The following SEL1L2 variants were observed in gnomAD, a reference collection of about 807,000 sequenced individuals.
The protein encoded by SEL1L2 is SEL1L2 adaptor subunit of SYVN1 ubiquitin ligase.
A neutral mutation model predicts 98.8 loss-of-function variants in SEL1L2; 89 were observed. The ratio of observed to expected loss-of-function variants is 0.90; its 90% CI spans 0.76 to 1.07. The LOEUF (loss-of-function observed/expected upper bound fraction) is 1.07. Among genes scored for constraint, SEL1L2 ranks in the 50% least tolerant of loss-of-function variants. The pLI is 0.00. For synonymous variants in SEL1L2, 262 were observed against 278.5 expected, an observed-to-expected ratio of 0.94 and a Z score of 0.59; for missense variants, 788 against 812.0, an observed-to-expected ratio of 0.97 and a Z score of 0.36.
intron 1 of SEL1L2, among the ~76,000 whole-genome samples, chr20:13,984,493 T>C (rs375485172): frequency 2.0e-4 from 31 of 152,352 alleles, no homozygotes; most frequent in Middle Eastern, 3.4e-3. Flanking sequence ...GATAATCTCT[T>C]TAGCCTTGAT....
chr20:13,962,786 C>T (rs1473673435), intron 1 of SEL1L2, among the ~76,000 whole-genome samples: 1 of 152,124 alleles, frequency 6.6e-6, no homozygotes, highest in Non-Finnish European at 1.5e-5. Flanking sequence ...AAAATATCGA[C>T]CAGGCACAAT....
intron 1 of SEL1L2, among the ~76,000 whole-genome samples, chr20:13,971,427 T>C (rs2051278821): frequency 6.6e-6 from 1 of 152,022 alleles, no homozygotes; most frequent in Admixed American, 6.6e-5. Context: ...TTTTGTTTTG[T>C]TTTGTTTTGT....
At chr20:13,850,362 G>A in intron 18 of SEL1L2, 43 bp from the exon 19 acceptor site, 1 of 1,603,986 alleles carries the variant, frequency 6.2e-7, no homozygotes, top group Non-Finnish European at 8.5e-7. Context: ...TTCTGTAGGG[G>A]TAAGTAAACA....
At chr20:13,924,904 C>T (rs1045314928) in intron 3 of SEL1L2, among the ~76,000 whole-genome samples, 4 of 151,946 alleles carry the variant, frequency 2.6e-5, no homozygotes, top group Admixed American at 2.0e-4. Flanking sequence ...TTTGGGAGGC[C>T]GAGGCGGGCA....
intron 18 of SEL1L2, 32 bp from the exon 19 acceptor site, chr20:13,850,351 A>T (rs1988036157): frequency 1.9e-6 from 3 of 1,612,162 alleles, no homozygotes; most frequent in Non-Finnish European, 2.5e-6. Flanking sequence ...TACCCATCAG[A>T]TTCTGTAGGG....
At chr20:13,893,571 G>T (rs1432411044) in intron 5 of SEL1L2, among the ~76,000 whole-genome samples, 2 of 152,160 alleles carry the variant, frequency 1.3e-5, no homozygotes, top group African/African-American at 4.8e-5. Flanking sequence ...AACAGTAGGA[G>T]ATTTCAATAC....
intron 10 of SEL1L2, among the ~76,000 whole-genome samples, chr20:13,880,581 A>T (rs748182424): frequency 1.1e-3 from 163 of 152,074 alleles, no homozygotes; most frequent in Middle Eastern, 3.4e-3. Flanking sequence ...CTTGCTCTTG[A>T]AGAGTTAAGA....
At chr20:13,855,816 G>A (rs941751572) in intron 18 of SEL1L2, among the ~76,000 whole-genome samples, 9 of 152,352 alleles carry the variant, frequency 5.9e-5, no homozygotes, top group Middle Eastern at 3.4e-3. Context: ...ACGCCCTTGC[G>A]AGAGCTAGCA....
intron 12 of SEL1L2, among the ~76,000 whole-genome samples, chr20:13,871,001 T>G (rs574446966): frequency 2.0e-5 from 3 of 152,018 alleles, no homozygotes; most frequent in Non-Finnish European, 2.9e-5. Flanking sequence ...TTGCCTGATT[T>G]AGACTAGGAA....
chr20:13,923,910 T>TA (rs2048767769), intron 3 of SEL1L2, among the ~76,000 whole-genome samples: 1 of 152,230 alleles, frequency 6.6e-6, no homozygotes, highest in African/African-American at 2.4e-5. Flanking sequence ...TAAGAGATGT[T>TA]AAAAAATCTT....
At chr20:13,953,246 C>T (rs2050357311) in intron 2 of SEL1L2, among the ~76,000 whole-genome samples, 1 of 152,144 alleles carries the variant, frequency 6.6e-6, no homozygotes, top group South Asian at 2.1e-4. Flanking sequence ...CCTTACCCAT[C>T]CCTTTTTTCT....
intron 12 of SEL1L2, among the ~76,000 whole-genome samples, chr20:13,871,250 C>T (rs1054310252): frequency 3.3e-5 from 5 of 152,076 alleles, no homozygotes; most frequent in Non-Finnish European, 5.9e-5. Flanking sequence ...ATAACATCCC[C>T]GATGTTTCCT....
intron 10 of SEL1L2, among the ~76,000 whole-genome samples, chr20:13,881,681 A>G (rs2046708597): frequency 6.6e-6 from 1 of 152,200 alleles, no homozygotes; most frequent in Non-Finnish European, 1.5e-5. Flanking sequence ...CTCATGAGAG[A>G]GATTAGTTCA....
upstream of SEL1L2, chr20:13,990,748 A>C (rs564618311): frequency 1.9e-6 from 1 of 521,342 alleles, no homozygotes; most frequent in African/African-American, 2.0e-5. Context: ...ATCCACTGCT[A>C]TTCCTCTGGC....
At chr20:13,952,711 T>C (rs2050329466) in intron 2 of SEL1L2, among the ~76,000 whole-genome samples, 1 of 151,926 alleles carries the variant, frequency 6.6e-6, no homozygotes, top group Admixed American at 6.6e-5. Context: ...GAATGCATCC[T>C]GAACCCCTGG....
intron 5 of SEL1L2, among the ~76,000 whole-genome samples, chr20:13,895,447 TA>T (rs74581623): frequency 0.068 from 6,288 of 93,022 alleles, 188 homozygotes; most frequent in African/African-American, 0.15. Flanking sequence ...GATCTTGTCC[TA>T]AAAAAAAAAA....
chr20:13,929,425 T>C (rs2049032342), intron 3 of SEL1L2, among the ~76,000 whole-genome samples: 1 of 150,482 alleles, frequency 6.6e-6, no homozygotes, highest in South Asian at 2.1e-4. Context: ...TTTTAGTTCA[T>C]GCCATCTAAT....
intron 1 of SEL1L2, among the ~76,000 whole-genome samples, chr20:13,970,675 A>G (rs1272951914): frequency 6.6e-6 from 1 of 152,110 alleles, no homozygotes; most frequent in Non-Finnish European, 1.5e-5. Context: ...TCTACTAAAA[A>G]TACAAAATTA....
rs28788176 is a variant in SEL1L2 at position 13,894,337 on chromosome 20, A to G, written c.550-5825T>C. Reference sequence around the variant, plus strand: ...CACTTTGGGAGGCCAAGGTGGGTGGATCATCTGAGGTCAGGAGTTCGAGAC... The same window carrying G: ...CACTTTGGGAGGCCAAGGTGGGTGGGTCATCTGAGGTCAGGAGTTCGAGAC... On this transcript the variant is annotated intron_variant, in intron 5 of 19. Coordinates refer to ENST00000284951, the MANE Select transcript of SEL1L2 (RefSeq NM_025229.2). Among the ~76,000 whole-genome samples, 1,472 of 152,318 alleles carry G rather than the reference A, an allele frequency of 9.7e-3. 18 individuals are homozygous for G. Among genetic ancestry groups the G allele is most frequent in the African/African-American group, 0.034 (1,408 of 41,558 alleles).
Sources: gnomAD v4.1 joint callset for allele counts (sites outside exome capture counted in the v4.1 genomes callset) on GRCh38, gnomAD v4.1.1 for gene constraint, MANE v1.5 for transcripts, NCBI Gene and HGNC (gene_info 2026-07-23, HGNC 2026-07-21) for gene names.